Variants in STK33 observed in about 807,000 individuals in gnomAD.
STK33 encodes serine/threonine kinase 33.
Under a neutral mutation model 58.0 loss-of-function variants are expected in STK33, and 52 were observed. The ratio of observed to expected loss-of-function variants is 0.90; its 90% CI spans 0.72 to 1.13. The LOEUF (loss-of-function observed/expected upper bound fraction) is 1.13, where lower values mean the gene tolerates loss of function less well. Ranked by LOEUF, STK33 falls within the 50% of genes most tolerant of loss-of-function variation. The pLI is 0.00. For missense variants in STK33, 630 were observed against 604.2 expected (o/e 1.04, Z -0.45); for synonymous variants, 215 against 200.1 (o/e 1.07, Z -0.63).
rs142752128 is a variant in STK33 at position 8,423,793 on chromosome 11, T to C, written c.1147-10101A>G. On this transcript the variant is annotated intron_variant, in intron 14 of 15. Coordinates refer to ENST00000687296, the MANE Select transcript of STK33 (RefSeq NM_001352389.2). ...TTCATATATCAGTAGTTGAGAGAAGTGCATTACAATCTCCTACTATAATGG... is the reference window on the plus strand; with the variant it reads ...TTCATATATCAGTAGTTGAGAGAAGCGCATTACAATCTCCTACTATAATGG... Among the ~76,000 whole-genome samples the C allele has an allele frequency of 1.0e-3, 159 of 152,198 alleles. 2 individuals are homozygous for C. In the East Asian group the frequency reaches 0.025, roughly 24 times the overall value.
intron 15 of STK33, among the ~76,000 whole-genome samples, chr11:8,411,770 A>T (rs552736818): frequency 7.2e-5 from 11 of 152,106 alleles, no homozygotes; most frequent in African/African-American, 2.4e-4. Context: ...CTATGGAAAA[A>T]TTTTTCCTGT....
At chr11:8,384,921 A>G in the STK33 span, among the ~76,000 whole-genome samples, 1 of 151,968 alleles carries the variant, frequency 6.6e-6, no homozygotes, top group Non-Finnish European at 1.5e-5. Context: ...TTTTTCTACA[A>G]TCTCTCGTCT....
At position 8,392,305 on chromosome 11, in the gene STK33, G is replaced by T; in HGVS notation, c.*205C>A. 1.6e-6 allele frequency: 1 copy of T among 616,872 alleles called. No individual in the cohort carries two copies. The highest frequency in any genetic ancestry group is 2.8e-6 in the Non-Finnish European group (1 of 354,990). 38.2% of individuals were successfully genotyped at this position (616,872 alleles called of 1,614,324 possible). ...GCAGCCCACTGCCAAGCCTACTGGT[G>T]GCTGTCCTTTAATGCCATGTGCAGC... On this transcript the variant is annotated 3_prime_UTR_variant, in exon 16 of 16. Coordinates refer to ENST00000687296, the MANE Select transcript of STK33 (RefSeq NM_001352389.2).
intron 1 of STK33, among the ~76,000 whole-genome samples, chr11:8,573,023 C>T (rs1215135706): frequency 6.6e-6 from 1 of 151,886 alleles, no homozygotes; most frequent in Non-Finnish European, 1.5e-5. Flanking sequence ...AACTACCAAC[C>T]TACAGATCCA....
intron 1 of STK33, among the ~76,000 whole-genome samples, chr11:8,559,727 TGAAA>T (rs1555001943): frequency 6.6e-6 from 1 of 152,154 alleles, no homozygotes; most frequent in Non-Finnish European, 1.5e-5. Flanking sequence ...TAATAAAAAC[TGAAA>T]GAGTCCAGAG....
intron 1 of STK33, among the ~76,000 whole-genome samples, chr11:8,543,751 T>C (rs1021325556): frequency 2.0e-5 from 3 of 152,154 alleles, no homozygotes; most frequent in African/African-American, 7.2e-5. Flanking sequence ...AAAAGTATAA[T>C]TAGATTATCT....
chr11:8,366,905 C>T, the STK33 span, among the ~76,000 whole-genome samples: 2 of 152,186 alleles, frequency 1.3e-5, no homozygotes, highest in African/African-American at 4.8e-5. Flanking sequence ...CAGCTACAGG[C>T]CAGTTTGTGT....
At chr11:8,369,088 G>C in the STK33 span, among the ~76,000 whole-genome samples, 1 of 152,156 alleles carries the variant, frequency 6.6e-6, no homozygotes, top group Non-Finnish European at 1.5e-5. Context: ...TGTCCTTTAT[G>C]CACTGTTTTG....
intron 1 of STK33, among the ~76,000 whole-genome samples, chr11:8,569,086 A>G (rs1194316670): frequency 6.6e-6 from 1 of 152,222 alleles, no homozygotes; most frequent in Non-Finnish European, 1.5e-5. Context: ...CAAGGCATGA[A>G]TTTACCAAGG....
intron 2 of STK33, among the ~76,000 whole-genome samples, chr11:8,478,977 CATT>C (rs1949543832): frequency 6.6e-6 from 1 of 152,150 alleles, no homozygotes; most frequent in Non-Finnish European, 1.5e-5. Context: ...TTAAAATTCA[CATT>C]ATTTCAGAAT....
At chr11:8,474,241 T>G (rs1359610043) in intron 5 of STK33, among the ~76,000 whole-genome samples, 1 of 151,952 alleles carries the variant, frequency 6.6e-6, no homozygotes, top group Non-Finnish European at 1.5e-5. Context: ...TATTTGTAAC[T>G]AATGCAAACT....
chr11:8,493,553 T>C (rs1469605735), intron 1 of STK33, among the ~76,000 whole-genome samples: 1 of 152,156 alleles, frequency 6.6e-6, no homozygotes, highest in Non-Finnish European at 1.5e-5. Flanking sequence ...TCTGAAACGA[T>C]TTCAATCAAT....
chr11:8,559,760 G>C (rs1188940707), intron 1 of STK33, among the ~76,000 whole-genome samples: 1 of 152,082 alleles, frequency 6.6e-6, no homozygotes, highest in African/African-American at 2.4e-5. Context: ...ATGAAAATAA[G>C]AGTCCAGAGC....
At chr11:8,384,622 TA>T in the STK33 span, among the ~76,000 whole-genome samples, 2 of 152,188 alleles carry the variant, frequency 1.3e-5, no homozygotes, top group Admixed American at 1.3e-4. Context: ...GTGAAAGTAT[TA>T]AAGTGTTTGA....
In STK33 at chr11:8,392,447, C is replaced by T. The variant is rs1377006568; in HGVS notation, c.*63G>A. ...TAGGGCTGTCTTCTTCCCCTCCTAC[C>T]CCCTCATCAAAGTGCTAACAAGAGC... On this transcript the variant is annotated 3_prime_UTR_variant, in exon 16 of 16. Transcript: ENST00000687296. 1.3e-6 allele frequency: 2 copies of T among 1,586,578 alleles called. No individual in the cohort carries two copies. The highest frequency in any genetic ancestry group is 1.1e-5 in the South Asian group (1 of 89,572).
chr11:8,549,741 G>A (rs146342795), intron 1 of STK33, among the ~76,000 whole-genome samples: 16 of 151,910 alleles, frequency 1.1e-4, no homozygotes, highest in East Asian at 3.9e-4. Context: ...TATTCATTTC[G>A]TCTAAGTTTT....
At chr11:8,399,275 C>A (rs1258943185) in intron 15 of STK33, among the ~76,000 whole-genome samples, 1 of 152,180 alleles carries the variant, frequency 6.6e-6, no homozygotes, top group African/African-American at 2.4e-5. Flanking sequence ...GTCTCTCAGA[C>A]AACAGAGCAA....
intron 14 of STK33, among the ~76,000 whole-genome samples, chr11:8,421,404 C>T (rs1431860350): frequency 6.6e-6 from 1 of 152,172 alleles, no homozygotes; most frequent in East Asian, 1.9e-4. Context: ...CCTCCTTTCT[C>T]CCCTCTCATC....
At chr11:8,559,840 C>T (rs1333686659) in intron 1 of STK33, among the ~76,000 whole-genome samples, 3 of 152,084 alleles carry the variant, frequency 2.0e-5, no homozygotes, top group African/African-American at 4.8e-5. Context: ...ATTTTCTTTG[C>T]ATATACACAG....
Sources: allele counts gnomAD v4.1 joint callset (sites outside exome capture counted in the v4.1 genomes callset), GRCh38; gene constraint gnomAD v4.1.1; transcripts MANE v1.5; gene names NCBI Gene and HGNC (gene_info 2026-07-23, HGNC 2026-07-21).